Variants in BAZ2B observed in about 807,000 individuals in gnomAD.
BAZ2B encodes bromodomain adjacent to zinc finger domain protein 2B.
BAZ2B carries 91 observed loss-of-function variants against 246.0 expected under a neutral mutation model. That is an observed-to-expected ratio of 0.37 (90% CI 0.31 to 0.44). The LOEUF is 0.44. Ranked by LOEUF, BAZ2B falls within the 20% of genes least tolerant of loss-of-function variation. The pLI is 1.00. For missense variants in BAZ2B, 2,332 were observed against 2,533.7 expected (o/e 0.92, Z 1.71); for synonymous variants, 855 against 860.0 (o/e 0.99, Z 0.10).
At chr2:159,524,378 C>A (rs556900033) in intron 2 of BAZ2B, among the ~76,000 whole-genome samples, 1 of 151,992 alleles carries the variant, frequency 6.6e-6, no homozygotes, top group East Asian at 1.9e-4. Context: ...TCGCTTGAGC[C>A]GGGAAGTCAA....
At chr2:159,527,963 A>AG (rs1403186599) in intron 2 of BAZ2B, among the ~76,000 whole-genome samples, 1 of 152,192 alleles carries the variant, frequency 6.6e-6, no homozygotes, top group Non-Finnish European at 1.5e-5. Context: ...TAAAGGCAAA[A>AG]GGACTATATA....
At chr2:159,578,300 A>G (rs149710907) in intron 1 of BAZ2B, among the ~76,000 whole-genome samples, 7 of 152,324 alleles carry the variant, frequency 4.6e-5, no homozygotes, top group Middle Eastern at 6.8e-3. Flanking sequence ...TCAGTGATAC[A>G]ATACACTCTT....
chr2:159,704,727 C>T, the BAZ2B span, among the ~76,000 whole-genome samples: 1 of 151,994 alleles, frequency 6.6e-6, no homozygotes, highest in Non-Finnish European at 1.5e-5. Flanking sequence ...GGTGGTCCAC[C>T]CGCCTCGGCT....
At chr2:159,535,828 G>A (rs895401806) in intron 2 of BAZ2B, among the ~76,000 whole-genome samples, 1 of 152,052 alleles carries the variant, frequency 6.6e-6, no homozygotes, top group Non-Finnish European at 1.5e-5. Context: ...GTTAGAAAAT[G>A]GTCTGCAGCT....
intron 2 of BAZ2B, among the ~76,000 whole-genome samples, chr2:159,480,099 A>C (rs2079070452): frequency 6.6e-6 from 1 of 152,156 alleles, no homozygotes; most frequent in Non-Finnish European, 1.5e-5. Context: ...TAAGGCCCAT[A>C]AAAATTATTT....
At chr2:159,397,003 T>C in intron 19 of BAZ2B, 1 of 1,215,046 alleles carries the variant, frequency 8.2e-7, no homozygotes, top group Non-Finnish European at 1.1e-6. Context: ...ACTTTATGCA[T>C]TGCTATGACA....
chr2:159,501,124 A>T (rs1260649099), intron 2 of BAZ2B, among the ~76,000 whole-genome samples: 4 of 26,484 alleles, frequency 1.5e-4, no homozygotes, highest in East Asian at 7.7e-4. Context: ...TATATATATA[A>T]TATATATATA....
intron 2 of BAZ2B, among the ~76,000 whole-genome samples, chr2:159,506,577 A>G (rs768397620): frequency 6.6e-6 from 1 of 152,192 alleles, no homozygotes; most frequent in Non-Finnish European, 1.5e-5. Context: ...AAAGAACCAG[A>G]TCGGCCCAGT....
intron 2 of BAZ2B, among the ~76,000 whole-genome samples, chr2:159,501,013 T>C (rs969516126): frequency 4.2e-5 from 6 of 144,394 alleles, no homozygotes; most frequent in East Asian, 2.0e-4. Flanking sequence ...CTAATGCCTA[T>C]AATCCCAGAA....
At chr2:159,455,238 ATCTCT>A (rs71846170) in intron 3 of BAZ2B, among the ~76,000 whole-genome samples, 4,617 of 152,174 alleles carry the variant, frequency 0.03, 210 homozygotes, top group African/African-American at 0.1. Flanking sequence ...TATCAACCAA[ATCTCT>A]TCTCTTTGCT....
intron 2 of BAZ2B, among the ~76,000 whole-genome samples, chr2:159,520,818 A>G (rs1353282890): frequency 6.6e-6 from 1 of 152,180 alleles, no homozygotes; most frequent in African/African-American, 2.4e-5. Context: ...CTATTTTGTA[A>G]GCTAGTGTCA....
Position 159,604,427 on chromosome 2 carries a change from T to C in BAZ2B, c.-46+11815A>G, listed in dbSNP as rs570224599. The stretch of plus-strand genomic sequence containing the variant: ...CCAGCTATTTTTAATTGACACATAA[T>C]AATTGTACATATTTGTAGAGTACAA... On this transcript the variant is annotated intron_variant, in intron 1 of 36. Transcript: ENST00000392783. Among the ~76,000 whole-genome samples the C allele has an allele frequency of 5.3e-5, 8 of 152,250 alleles. No homozygotes were observed. The East Asian group carries it at 1.5e-3, about 29-fold the overall frequency.
chr2:159,463,078 T>A lies in BAZ2B; in HGVS notation c.146-9277A>T, dbSNP rs2076606518. ...TTCCATCTTCACGGGTGTGAACTGA[T>A]CCATGTTATAATGGGCAAATGCACG... On this transcript the variant is annotated intron_variant, in intron 3 of 36. Transcript: ENST00000392783. 3 of 714,510 alleles carry A rather than the reference T, an allele frequency of 4.2e-6. No individual in the cohort carries two copies. The Admixed American group carries it at 6.0e-5, about 14-fold the overall frequency. The allele number at this position is 714,510 out of a possible 1,614,324, so 44.3% of individuals were successfully genotyped here.
At chr2:159,639,916 G>A in the BAZ2B span, among the ~76,000 whole-genome samples, 1 of 151,622 alleles carries the variant, frequency 6.6e-6, no homozygotes, top group Non-Finnish European at 1.5e-5. Flanking sequence ...TAGCTGAATG[G>A]ATTAAAAAAA....
intron 34 of BAZ2B, among the ~76,000 whole-genome samples, chr2:159,330,120 A>G (rs2064471544): frequency 6.6e-6 from 1 of 152,238 alleles, no homozygotes; most frequent in South Asian, 2.1e-4. Flanking sequence ...ATGCCATGTA[A>G]GACCACTTGC....
the BAZ2B span, chr2:159,689,372 CTTTT>C: frequency 5.9e-3 from 972 of 165,098 alleles, no homozygotes; most frequent in South Asian, 0.013. Flanking sequence ...TTTTACTTTC[CTTTT>C]TTTTTTTTTT....
At chr2:159,506,439 T>A (rs973763920) in intron 2 of BAZ2B, among the ~76,000 whole-genome samples, 2 of 152,130 alleles carry the variant, frequency 1.3e-5, no homozygotes, top group Non-Finnish European at 2.9e-5. Flanking sequence ...TAAGGAATGA[T>A]TAACAAGCAG....
chr2:159,322,697 G>A (rs1329764320), intron 36 of BAZ2B, among the ~76,000 whole-genome samples: 1 of 152,140 alleles, frequency 6.6e-6, no homozygotes, highest in African/African-American at 2.4e-5. Flanking sequence ...ATGGGATGGG[G>A]CAGCTAATGG....
At chr2:159,406,440 TG>T (rs2065948798) in intron 14 of BAZ2B, among the ~76,000 whole-genome samples, 1 of 152,194 alleles carries the variant, frequency 6.6e-6, no homozygotes, top group Non-Finnish European at 1.5e-5. Context: ...TAAGGTTTGG[TG>T]GTTGTTACCA....
Sources: allele counts gnomAD v4.1 joint callset (sites outside exome capture counted in the v4.1 genomes callset), GRCh38; gene constraint gnomAD v4.1.1; transcripts MANE v1.5; gene names NCBI Gene and HGNC (gene_info 2026-07-23, HGNC 2026-07-21).